Variants in RNF11 observed in about 807,000 individuals in gnomAD.
RNF11 encodes ring finger protein 11.
RNF11 carries 4 observed loss-of-function variants against 15.8 expected under a neutral mutation model. That is an observed-to-expected ratio of 0.25 (90% CI 0.12 to 0.58). The LOEUF is 0.58. Among genes scored for constraint, RNF11 ranks in the 20% least tolerant of loss-of-function variants. The pLI is 0.91. For missense variants in RNF11, 139 were observed against 194.4 expected (o/e 0.71, Z 1.70); for synonymous variants, 68 against 72.3 (o/e 0.94, Z 0.30).
chr1:51,236,860 A>AGCC lies in RNF11; in HGVS notation c.114_116dup (p.Pro39dup), dbSNP rs769755326. ...GGCGAGGGGACGGAGCCGGATCAGG[A>AGCC]GCCGCCGCCGCCATATCAGGTAGGG... On this transcript the variant is annotated inframe_insertion, in exon 1 of 3. Coordinates refer to ENST00000242719, the MANE Select transcript of RNF11 (RefSeq NM_014372.5). 5.6e-6 allele frequency: 9 copies of AGCC among 1,604,156 alleles called. No individual in the cohort carries two copies. The highest frequency in any genetic ancestry group is 2.7e-5 in the African/African-American group (2 of 73,684).
intron 1 of RNF11, among the ~76,000 whole-genome samples, chr1:51,238,563 T>C (rs1646815584): frequency 6.6e-6 from 1 of 152,192 alleles, no homozygotes; most frequent in Middle Eastern, 3.2e-3. Context: ...ATTTTCTGTA[T>C]TTACACAAAT....
At chr1:51,246,261 A>G (rs112052370) in intron 1 of RNF11, among the ~76,000 whole-genome samples, 3,302 of 151,862 alleles carry the variant, frequency 0.022, 107 homozygotes, top group African/African-American at 0.067. Context: ...GTGAAACTCC[A>G]TCTCAACAAC....
At chr1:51,250,146 AC>A (rs1322254251) in intron 1 of RNF11, among the ~76,000 whole-genome samples, 2 of 151,962 alleles carry the variant, frequency 1.3e-5, no homozygotes, top group Non-Finnish European at 2.9e-5. Flanking sequence ...TATTTTTGAA[AC>A]TTTTTTTAGC....
chr1:51,248,421 C>T (rs957356029), intron 1 of RNF11, among the ~76,000 whole-genome samples: 2 of 151,830 alleles, frequency 1.3e-5, no homozygotes, highest in African/African-American at 4.8e-5. Context: ...AGGCTGGTGT[C>T]GAACTCCCGA....
At chr1:51,238,153 G>T (rs1646813328) in intron 1 of RNF11, among the ~76,000 whole-genome samples, 1 of 152,112 alleles carries the variant, frequency 6.6e-6, no homozygotes. Context: ...TCTGCTTGGA[G>T]CCCTTCGCCC....
chr1:51,272,997 T>G lies in RNF11; in HGVS notation c.*1675T>G, dbSNP rs1308346270. 1 of 152,174 alleles carries G rather than the reference T, an allele frequency of 6.6e-6. No individual in the cohort carries two copies. Among genetic ancestry groups the G allele is most frequent in the Non-Finnish European group, 1.5e-5 (1 of 67,990 alleles). 9.4% of individuals were successfully genotyped at this position (152,174 alleles called of 1,614,324 possible). ...ACTTAAAGATGAATTTGAGAAAAATTGAAAGAAATTAGATTATCAGGTTCT... is the reference window on the plus strand; with the variant it reads ...ACTTAAAGATGAATTTGAGAAAAATGGAAAGAAATTAGATTATCAGGTTCT... On this transcript the variant is annotated 3_prime_UTR_variant, in exon 3 of 3. Coordinates refer to ENST00000242719, the MANE Select transcript of RNF11 (RefSeq NM_014372.5).
chr1:51,244,270 T>A (rs1646842467), intron 1 of RNF11, among the ~76,000 whole-genome samples: 1 of 152,266 alleles, frequency 6.6e-6, no homozygotes, highest in Admixed American at 6.5e-5. Flanking sequence ...TGTTAGTGTC[T>A]ATTAAGCATT....
chr1:51,247,432 G>T (rs1473408891), intron 1 of RNF11, among the ~76,000 whole-genome samples: 2 of 151,132 alleles, frequency 1.3e-5, no homozygotes, highest in African/African-American at 4.9e-5. Context: ...TTAAATGGAA[G>T]TATGTGGTTT....
intron 1 of RNF11, among the ~76,000 whole-genome samples, chr1:51,259,080 A>G (rs971428990): frequency 6.6e-6 from 1 of 152,170 alleles, no homozygotes; most frequent in Admixed American, 6.5e-5. Flanking sequence ...GTAAGATCCT[A>G]AGCCAGTGGT....
intron 1 of RNF11, among the ~76,000 whole-genome samples, chr1:51,256,238 A>G (rs1646903734): frequency 6.6e-6 from 1 of 152,056 alleles, no homozygotes; most frequent in Admixed American, 6.6e-5. Context: ...CCTCCCCCCA[A>G]CACCTGACAA....
chr1:51,272,369 C>G lies in RNF11; in HGVS notation c.*1047C>G, dbSNP rs1204892942. ...TAGTGCTGAGGTTATTGAAGTTATA[C>G]AAAACACATCTCAGTCTCTGTTTCT... On this transcript the variant is annotated 3_prime_UTR_variant, in exon 3 of 3. Transcript: ENST00000242719. The G allele has an allele frequency of 6.6e-6, 1 of 152,578 alleles. No individual in the cohort carries two copies. The highest frequency in any genetic ancestry group is 6.5e-5 in the Admixed American group (1 of 15,268). The allele number at this position is 152,578 out of a possible 1,614,324, so 9.5% of individuals were successfully genotyped here.
intron 1 of RNF11, among the ~76,000 whole-genome samples, chr1:51,247,737 A>G (rs1646858847): frequency 6.6e-6 from 1 of 152,176 alleles, no homozygotes; most frequent in African/African-American, 2.4e-5. Context: ...GTGTGTCCCT[A>G]TCTTTTAATT....
chr1:51,264,317 TACAC>T (rs376270848), intron 1 of RNF11, among the ~76,000 whole-genome samples: 155 of 75,446 alleles, frequency 2.1e-3, no homozygotes, highest in African/African-American at 5.8e-3. Flanking sequence ...TATATATATA[TACAC>T]ACACACACAC....
At chr1:51,265,704 G>C (rs1266396023) in intron 1 of RNF11, among the ~76,000 whole-genome samples, 2 of 152,224 alleles carry the variant, frequency 1.3e-5, no homozygotes, top group African/African-American at 4.8e-5. Context: ...GTAGATGATA[G>C]TGGAAAAGGG....
intron 1 of RNF11, among the ~76,000 whole-genome samples, chr1:51,246,870 C>G (rs1235918994): frequency 1.3e-5 from 2 of 150,738 alleles, no homozygotes; most frequent in African/African-American, 2.4e-5. Flanking sequence ...CCCAGTTAAT[C>G]AGGAAGCTGA....
Position 51,236,667 on chromosome 1 carries a change from C to T in RNF11, c.-90C>T. The stretch of plus-strand genomic sequence containing the variant: ...TGATCCCCGGCCTGTCGCCCGACCC[C>T]ACCTCGCCAACCGAGGCGGACCGCG... On this transcript the variant is annotated 5_prime_UTR_variant, in exon 1 of 3. Transcript: ENST00000242719. 3 of 1,561,780 alleles carry T rather than the reference C, an allele frequency of 1.9e-6. No homozygotes were observed. Among genetic ancestry groups the T allele is most frequent in the Non-Finnish European group, 2.6e-6 (3 of 1,145,374 alleles).
chr1:51,250,138 T>C (rs527612154), intron 1 of RNF11, among the ~76,000 whole-genome samples: 2 of 152,206 alleles, frequency 1.3e-5, no homozygotes, highest in South Asian at 4.1e-4. Context: ...TCAATCTTTA[T>C]TTTTGAAACT....
chr1:51,270,445 T>G (rs1646973284), intron 2 of RNF11, among the ~76,000 whole-genome samples: 1 of 152,152 alleles, frequency 6.6e-6, no homozygotes, highest in Non-Finnish European at 1.5e-5. Context: ...AAACCTCATC[T>G]CTACTGAAAA....
Position 51,271,378 on chromosome 1 carries a change from T to C in RNF11, c.*56T>C, listed in dbSNP as rs1443710653. 4 of 1,434,524 alleles carry C rather than the reference T, an allele frequency of 2.8e-6. No individual in the cohort carries two copies. Among genetic ancestry groups the C allele is most frequent in the Admixed American group, 1.9e-5 (1 of 52,274 alleles). 88.9% of individuals were successfully genotyped at this position (1,434,524 alleles called of 1,614,324 possible). A position where few individuals can be genotyped will look rare whatever the true frequency, so the allele number is the denominator to read the frequency against. ...CCACCATTTTGGTGGTTTTGATCTT[T>C]TGTCACTGAGCCCAAAGAGCCAGGG... On this transcript the variant is annotated 3_prime_UTR_variant, in exon 3 of 3. Transcript: ENST00000242719.
Sources: allele counts gnomAD v4.1 joint callset (sites outside exome capture counted in the v4.1 genomes callset), GRCh38; gene constraint gnomAD v4.1.1; transcripts MANE v1.5; gene names NCBI Gene and HGNC (gene_info 2026-07-23, HGNC 2026-07-21).